Variants in GATA5 observed in about 807,000 individuals in gnomAD.
The protein encoded by GATA5 is GATA binding protein 5.
Under a neutral mutation model 35.0 loss-of-function variants are expected in GATA5, and 27 were observed. The observed-to-expected ratio is 0.77, with a 90% CI of 0.57 to 1.06. The LOEUF (loss-of-function observed/expected upper bound fraction) is 1.06, where lower values mean the gene tolerates loss of function less well. Among genes scored for constraint, GATA5 ranks in the 50% least tolerant of loss-of-function variants. The pLI, the probability that GATA5 is intolerant of heterozygous loss-of-function variation, is 0.00. For missense variants in GATA5, 612 were observed against 580.0 expected (o/e 1.06, Z -0.57); for synonymous variants, 306 against 267.8 (o/e 1.14, Z -1.39).
intron 2 of GATA5, among the ~76,000 whole-genome samples, chr20:62,474,798 G>A (rs1443277162): frequency 6.6e-6 from 1 of 152,262 alleles, no homozygotes; most frequent in Non-Finnish European, 1.5e-5. Flanking sequence ...TCATTAACAG[G>A]TTAAAACAGA....
rs79186808 is a variant in GATA5 at position 62,472,888 on chromosome 20, G to A, written c.699+515C>T. On this transcript the variant is annotated intron_variant, in intron 3 of 6. Coordinates refer to ENST00000252997, the MANE Select transcript of GATA5 (RefSeq NM_080473.5). ...GGTCCCTGAAATATGGGTAGAAAGTGCTCCCCGAGGGGACTACAGACCCAA... is the reference window on the plus strand; with the variant it reads ...GGTCCCTGAAATATGGGTAGAAAGTACTCCCCGAGGGGACTACAGACCCAA... Among the ~76,000 whole-genome samples the A allele has an allele frequency of 3.7e-3, 561 of 152,318 alleles. 5 individuals are homozygous for A. Among genetic ancestry groups the A allele is most frequent in the African/African-American group, 0.012 (512 of 41,574 alleles).
chr20:62,464,389 T>C lies in GATA5; in HGVS notation c.*447A>G, dbSNP rs1989522455. ...GGCCCATGTCCAGCTGCTCCCCTCA[T>C]TCCTCTCCCCTGCTTGGCCTCAGGT... On this transcript the variant is annotated 3_prime_UTR_variant, in exon 7 of 7. Coordinates refer to ENST00000252997, the MANE Select transcript of GATA5 (RefSeq NM_080473.5). The C allele has an allele frequency of 6.5e-6, 1 of 153,254 alleles. No homozygotes were observed. The highest frequency in any genetic ancestry group is 6.5e-5 in the Admixed American group (1 of 15,304). 9.5% of individuals were successfully genotyped at this position (153,254 alleles called of 1,614,324 possible).
rs894573638 is a variant in GATA5, at chr20:62,475,282, C to T, written c.240G>A (p.Pro80=). 2.4e-6 allele frequency: 3 copies of T among 1,243,904 alleles called. No individual in the cohort carries two copies. The highest frequency in any genetic ancestry group is 2.5e-4 in the Middle Eastern group (1 of 4,048). 77.1% of individuals were successfully genotyped at this position (1,243,904 alleles called of 1,614,324 possible). A position where few individuals can be genotyped will look rare whatever the true frequency, so the allele number is the denominator to read the frequency against. Residue 80 remains proline, a synonymous_variant, in exon 2 of 7, where the codon CCG becomes CCA. Transcript: ENST00000252997. ...ADSSAFGPGS[P]HPPAAHPPGA... ...CGGGCGGGTGCGCGGCTGGGGGGTGCGGACTGCCCGGGCCGAAGGCCGACG... is the reference window on the plus strand; with the variant it reads ...CGGGCGGGTGCGCGGCTGGGGGGTGTGGACTGCCCGGGCCGAAGGCCGACG...
chr20:62,467,669 G>T (rs1481494453), intron 3 of GATA5, among the ~76,000 whole-genome samples: 4 of 152,208 alleles, frequency 2.6e-5, no homozygotes, highest in African/African-American at 9.7e-5. Context: ...CTGCCCTCCC[G>T]GCGGCAGCCA....
At position 62,475,347 on chromosome 20, in the gene GATA5, C is replaced by G. The variant is rs1327408328; in HGVS notation, c.175G>C (p.Ala59Pro). The G allele has an allele frequency of 3.2e-6, 4 of 1,255,564 alleles. No individual in the cohort carries two copies. The African/African-American group carries it at 4.6e-5, about 15-fold the overall frequency. The allele number at this position is 1,255,564 out of a possible 1,614,324, so 77.8% of individuals were successfully genotyped here. ...GTCTGCGCCCAGCCGGGGCGCGCAG[C>G]GAGCTCGGGGGGCTGCGGGCTCGGC... The part of the protein sequence containing the change: ...CEPSPQPPEL[A>P]ARPGWAQTAT... The change falls in exon 2 of 7, where the codon GCT (alanine) becomes CCT (proline). Residue 59 changes from alanine to proline, a missense_variant. Physicochemically the swap from Ala to Pro is conservative, Grantham distance 27. Transcript: ENST00000252997.
At chr20:62,466,038 C>A in intron 4 of GATA5, 117 bp from the exon 5 acceptor site, 1 of 751,954 alleles carries the variant, frequency 1.3e-6, no homozygotes, top group Non-Finnish European at 2.2e-6. Context: ...TGGCTGTGTC[C>A]TCACAGCCCT....
intron 3 of GATA5, among the ~76,000 whole-genome samples, chr20:62,469,342 C>A (rs570715575): frequency 1.1e-4 from 17 of 152,344 alleles, no homozygotes; most frequent in Non-Finnish European, 2.1e-4. Context: ...TGCTGACTCC[C>A]TCCTTGTGCC....
chr20:62,466,315 C>G, intron 4 of GATA5, 111 bp downstream of exon 4: 1 of 1,255,816 alleles, frequency 8.0e-7, no homozygotes, highest in Non-Finnish European at 1.1e-6. Flanking sequence ...GCCCAGGGGA[C>G]AATAGCCATC....
At chr20:62,469,589 G>A (rs1989674611) in intron 3 of GATA5, among the ~76,000 whole-genome samples, 2 of 152,262 alleles carry the variant, frequency 1.3e-5, no homozygotes, top group Non-Finnish European at 1.5e-5. Flanking sequence ...CAGGACGTGC[G>A]TGGGTTGGGA....
rs1315734661 is a variant in GATA5, at chr20:62,471,813, T to A, written c.699+1590A>T. Among the ~76,000 whole-genome samples the A allele has an allele frequency of 3.3e-5, 5 of 151,762 alleles. No homozygotes were observed. The South Asian group carries it at 1.0e-3, about 32-fold the overall frequency. ...GTGTGATCATAGCTTACTATACCCT[T>A]GAACTCTTGGGCTCAAGTGATCATC... On this transcript the variant is annotated intron_variant, in intron 3 of 6. Coordinates refer to ENST00000252997, the MANE Select transcript of GATA5 (RefSeq NM_080473.5).
intron 3 of GATA5, among the ~76,000 whole-genome samples, chr20:62,466,905 A>C (rs970617402): frequency 4.6e-5 from 7 of 152,196 alleles, no homozygotes; most frequent in African/African-American, 1.7e-4. Context: ...GCGGTTCTGC[A>C]GTGCAGCAGC....
chr20:62,473,688 G>T, intron 2 of GATA5, 110 bp from the exon 3 acceptor site: 1 of 984,946 alleles, frequency 1.0e-6, no homozygotes, highest in Non-Finnish European at 1.5e-6. Context: ...TTCGTCAGAC[G>T]AATAAACTTA....
In GATA5 at chr20:62,475,530, G is replaced by T. The variant is rs781786147; in HGVS notation, c.-9C>A. 1.6e-6 allele frequency: 2 copies of T among 1,283,784 alleles called. No homozygotes were observed. The highest frequency in any genetic ancestry group is 7.0e-5 in the Admixed American group (2 of 28,654). The allele number at this position is 1,283,784 out of a possible 1,614,324, so 79.5% of individuals were successfully genotyped here. ...GCCAGGCTCTGGTACATCCTCCCAG[G>T]CGTGGTCTTGACCTGCAGGGAAGAG... On this transcript the variant is annotated 5_prime_UTR_variant, in exon 2 of 7. Coordinates refer to ENST00000252997, the MANE Select transcript of GATA5 (RefSeq NM_080473.5).
In GATA5 at chr20:62,470,161, A is replaced by C. The variant is rs927302700; in HGVS notation, c.699+3242T>G. Among the ~76,000 whole-genome samples the C allele has an allele frequency of 6.6e-6, 1 of 152,238 alleles. No individual in the cohort carries two copies. Among genetic ancestry groups the C allele is most frequent in the East Asian group, 1.9e-4 (1 of 5,202 alleles). On this transcript the variant is annotated intron_variant, in intron 3 of 6. Coordinates refer to ENST00000252997, the MANE Select transcript of GATA5 (RefSeq NM_080473.5). This position sits in a 1 kb window ranked among gnomAD's most constrained non-coding sequence, Gnocchi z 4.6. ...GCTCTGTGTGCATCTGAGACATCCA[A>C]ATAAATCAGGCTCTGGGCAGGGCAG...
Position 62,473,586 on chromosome 20 carries a change from G to T in GATA5, c.524-8C>A, listed in dbSNP as rs1989777310. The T allele has an allele frequency of 6.3e-7, 1 of 1,579,508 alleles. No individual in the cohort carries two copies. The highest frequency in any genetic ancestry group is 8.6e-7 in the Non-Finnish European group (1 of 1,162,110). ...CCTCCAAGAAGTCGGACACTGAGGGGACAGGCAGCTGGTGGGCCCGGGCCC... is the reference window on the plus strand; with the variant it reads ...CCTCCAAGAAGTCGGACACTGAGGGTACAGGCAGCTGGTGGGCCCGGGCCC... On this transcript the variant is annotated splice_polypyrimidine_tract_variant and splice_region_variant and intron_variant, in intron 2 of 6. Coordinates refer to ENST00000252997, the MANE Select transcript of GATA5 (RefSeq NM_080473.5).
intron 5 of GATA5, 123 bp from the exon 6 acceptor site, chr20:62,465,587 C>G: frequency 7.5e-7 from 1 of 1,327,758 alleles, no homozygotes; most frequent in Non-Finnish European, 1.0e-6. Context: ...ACGGTCACAC[C>G]GCAGGCGTGG....
rs1430396015 is a variant in GATA5, at chr20:62,463,813, CAGG to C, written c.*1020_*1022del. 6.5e-6 allele frequency: 1 copy of C among 152,706 alleles called. No individual in the cohort carries two copies. Among genetic ancestry groups the C allele is most frequent in the African/African-American group, 2.4e-5 (1 of 41,528 alleles). The allele number at this position is 152,706 out of a possible 1,614,324, so 9.5% of individuals were successfully genotyped here. A position where few individuals can be genotyped will look rare whatever the true frequency, so the allele number is the denominator to read the frequency against. ...GACGGAGGCGAGGATGTGCTCCCCG[CAGG>C]GCCCTGTGGCTGCCTGCCCCGCTCC... On this transcript the variant is annotated 3_prime_UTR_variant, in exon 7 of 7. Transcript: ENST00000252997.
chr20:62,463,516 T>A lies in GATA5; in HGVS notation c.*1320A>T, dbSNP rs1052487061. 1 of 152,126 alleles carries A rather than the reference T, an allele frequency of 6.6e-6. No homozygotes were observed. Among genetic ancestry groups the A allele is most frequent in the Non-Finnish European group, 1.5e-5 (1 of 68,022 alleles). The allele number at this position is 152,126 out of a possible 1,614,324, so 9.4% of individuals were successfully genotyped here. A position where few individuals can be genotyped will look rare whatever the true frequency, so the allele number is the denominator to read the frequency against. ...AGTGAGTGAGGTTCAAGGCTTTATT[T>A]CACTTTCCCTGTGGCTTCATTTGTC... On this transcript the variant is annotated 3_prime_UTR_variant, in exon 7 of 7. Transcript: ENST00000252997.
At chr20:62,471,899 CTT>C (rs782266668) in intron 3 of GATA5, among the ~76,000 whole-genome samples, 30 of 134,990 alleles carry the variant, frequency 2.2e-4, no homozygotes, top group Non-Finnish European at 2.7e-4. Flanking sequence ...TGACTAATTT[CTT>C]TTTTTTTTTT....
Sources: gnomAD v4.1 joint callset for allele counts (sites outside exome capture counted in the v4.1 genomes callset) on GRCh38, gnomAD v4.1.1 for gene constraint, Gnocchi (gnomAD v3.1) non-coding constraint, MANE v1.5 for transcripts, NCBI Gene and HGNC (gene_info 2026-07-23, HGNC 2026-07-21) for gene names.